SCAPER: variants seen among roughly 807,000 people sequenced by gnomAD.
The protein encoded by SCAPER is S phase cyclin A-associated protein in the endoplasmic reticulum.
A neutral mutation model predicts 182.2 loss-of-function variants in SCAPER; 98 were observed. The ratio of observed to expected loss-of-function variants is 0.54; its 90% CI spans 0.46 to 0.64. SCAPER has a LOEUF of 0.64. Among genes scored for constraint, SCAPER ranks in the 30% least tolerant of loss-of-function variants. The probability of loss-of-function intolerance (pLI) is 0.00; values close to 1 mark genes in which losing one functional copy is unlikely to be tolerated. For synonymous variants in SCAPER, 605 were observed against 564.6 expected (o/e 1.07, Z -1.01); for missense variants, 1,432 against 1,690.0 (o/e 0.85, Z 2.68).
intron 23 of SCAPER, among the ~76,000 whole-genome samples, chr15:76,553,090 C>A (rs1246848594): frequency 6.6e-6 from 1 of 151,940 alleles, no homozygotes; most frequent in Non-Finnish European, 1.5e-5. Context: ...GCCCACAGCA[C>A]CCCCCACCCC....
intron 23 of SCAPER, among the ~76,000 whole-genome samples, chr15:76,511,419 G>A (rs570294084): frequency 3.3e-5 from 5 of 152,192 alleles, no homozygotes; most frequent in South Asian, 4.2e-4. Context: ...TCCTGCCTTG[G>A]ATACACACTG....
At chr15:76,500,598 T>C (rs1597055423) in intron 24 of SCAPER, among the ~76,000 whole-genome samples, 1 of 152,308 alleles carries the variant, frequency 6.6e-6, no homozygotes, top group South Asian at 2.1e-4. Flanking sequence ...GTACAGCTGC[T>C]TCTAGTCACA....
intron 5 of SCAPER, among the ~76,000 whole-genome samples, chr15:76,828,093 G>A (rs1424143391): frequency 6.6e-6 from 1 of 152,078 alleles, no homozygotes; most frequent in Non-Finnish European, 1.5e-5. Flanking sequence ...CCCTCACCAT[G>A]TGATGTCCTA....
At chr15:76,838,873 C>G (rs764534832) in intron 5 of SCAPER, among the ~76,000 whole-genome samples, 1 of 152,118 alleles carries the variant, frequency 6.6e-6, no homozygotes, top group African/African-American at 2.4e-5. Flanking sequence ...ATTTCACAAC[C>G]AACTCTTTCA....
chr15:76,359,975 T>G (rs1252468552), intron 29 of SCAPER, among the ~76,000 whole-genome samples: 1 of 152,200 alleles, frequency 6.6e-6, no homozygotes, highest in Non-Finnish European at 1.5e-5. Flanking sequence ...GATTTTGGAT[T>G]GAAGGCTTCA....
intron 23 of SCAPER, among the ~76,000 whole-genome samples, chr15:76,510,749 T>C (rs191387463): frequency 6.6e-6 from 1 of 152,372 alleles, no homozygotes; most frequent in Admixed American, 6.5e-5. Flanking sequence ...GAAGTCATTA[T>C]GCTAAAAAGA....
In SCAPER at chr15:76,476,261, A is replaced by C. The variant is rs567779935; in HGVS notation, c.2955-4926T>G. On this transcript the variant is annotated intron_variant, in intron 24 of 31. Coordinates refer to ENST00000563290, the MANE Select transcript of SCAPER (RefSeq NM_020843.4). ...CATTCTGTGGTTTCTTGGGTGTAAG[A>C]GATAGTTGTTTGTGTGGCATTAGCC... Among the ~76,000 whole-genome samples the C allele has an allele frequency of 2.6e-5, 4 of 152,290 alleles. No homozygotes were observed. The East Asian group carries it at 7.7e-4, about 29-fold the overall frequency.
At chr15:76,358,759 C>T (rs2041184356) in intron 29 of SCAPER, among the ~76,000 whole-genome samples, 1 of 152,212 alleles carries the variant, frequency 6.6e-6, no homozygotes. Flanking sequence ...CAGTCCATAG[C>T]ACAATCCTCA....
At chr15:76,780,158 C>A (rs1250593113) in intron 8 of SCAPER, among the ~76,000 whole-genome samples, 1 of 152,250 alleles carries the variant, frequency 6.6e-6, no homozygotes, top group African/African-American at 2.4e-5. Context: ...CCTGGAAAAA[C>A]AGGAAACTCC....
intron 14 of SCAPER, among the ~76,000 whole-genome samples, chr15:76,758,555 C>T (rs1180274605): frequency 6.6e-6 from 1 of 152,100 alleles, no homozygotes; most frequent in Non-Finnish European, 1.5e-5. Flanking sequence ...CTCAAGATGA[C>T]TTTCAATCTT....
In SCAPER at chr15:76,843,135, TTCATAA is replaced by T. The variant is rs200182008; in HGVS notation, c.196-1210_196-1205del. On this transcript the variant is annotated intron_variant, in intron 4 of 31. Transcript: ENST00000563290. The stretch of plus-strand genomic sequence containing the variant: ...TAAAATGTGGTATATATGTATAGCA[TTCATAA>T]TCATGAGTAATTAAAATCATAAAGT... Among the ~76,000 whole-genome samples, 985 of 152,322 alleles carry T rather than the reference TTCATAA, an allele frequency of 6.5e-3. 3 individuals are homozygous for T. The highest frequency in any genetic ancestry group is 0.014 in the Middle Eastern group (4 of 294).
chr15:76,578,845 A>T (rs2048047105), intron 22 of SCAPER, among the ~76,000 whole-genome samples: 1 of 152,192 alleles, frequency 6.6e-6, no homozygotes, highest in Admixed American at 6.5e-5. Flanking sequence ...ACCTCACCTA[A>T]TGAACTAAAT....
intron 22 of SCAPER, among the ~76,000 whole-genome samples, chr15:76,590,461 C>T (rs539426692): frequency 1.4e-4 from 22 of 152,188 alleles, no homozygotes; most frequent in African/African-American, 5.3e-4. Context: ...TGCACATAGA[C>T]TTTGGCCCAA....
At chr15:76,471,072 A>G in intron 25 of SCAPER, 140 bp downstream of exon 25, 1 of 809,596 alleles carries the variant, frequency 1.2e-6, no homozygotes, top group Non-Finnish European at 1.7e-6. Context: ...TCTCACAGTC[A>G]TCTTCACTTT....
At chr15:76,703,597 G>A (rs563092584) in intron 18 of SCAPER, among the ~76,000 whole-genome samples, 346 of 152,102 alleles carry the variant, frequency 2.3e-3, no homozygotes, top group Non-Finnish European at 3.7e-3. Flanking sequence ...GAATGGCATC[G>A]CACCTACCTA....
At chr15:76,845,731 A>T (rs111264740) in intron 4 of SCAPER, among the ~76,000 whole-genome samples, 25 of 152,214 alleles carry the variant, frequency 1.6e-4, no homozygotes, top group African/African-American at 6.0e-4. Context: ...CATGTTCATG[A>T]ATTGGAAGAA....
chr15:76,764,810 C>T (rs907473390), intron 14 of SCAPER, 151 bp downstream of exon 14: 2 of 532,440 alleles, frequency 3.8e-6, no homozygotes, highest in Non-Finnish European at 3.2e-6. Context: ...AATAGTTAAC[C>T]TTCTTGGATT....
chr15:76,667,144 T>TACC (rs1006354612), intron 20 of SCAPER, among the ~76,000 whole-genome samples: 3 of 152,172 alleles, frequency 2.0e-5, no homozygotes, highest in African/African-American at 7.2e-5. Context: ...CTTTTGCCCT[T>TACC]ACCACCCTTA....
chr15:76,387,484 G>T (rs770583528), intron 27 of SCAPER, among the ~76,000 whole-genome samples: 25 of 152,184 alleles, frequency 1.6e-4, no homozygotes, highest in Non-Finnish European at 2.5e-4. Context: ...TTCAGAGGAG[G>T]AGTCTCGGCT....
Sources: gnomAD v4.1 joint callset for allele counts (sites outside exome capture counted in the v4.1 genomes callset) on GRCh38, gnomAD v4.1.1 for gene constraint, MANE v1.5 for transcripts, NCBI Gene and HGNC (gene_info 2026-07-23, HGNC 2026-07-21) for gene names.